Variants in TTYH1 observed in about 807,000 individuals in gnomAD.
TTYH1 encodes tweety family member 1.
A neutral mutation model predicts 61.2 loss-of-function variants in TTYH1; 33 were observed. That is an observed-to-expected ratio of 0.54 (90% confidence interval 0.41 to 0.72). The LOEUF is 0.72. TTYH1 is among the 30% of genes least tolerant of loss of function. TTYH1 has a pLI of 0.00. For synonymous variants in TTYH1, 308 were observed against 266.4 expected, an observed-to-expected ratio of 1.16 and a Z score of -1.52; for missense variants, 538 against 575.8, an observed-to-expected ratio of 0.93 and a Z score of 0.67.
chr19:54,416,337 G>C lies in TTYH1; in HGVS notation c.126+659G>C, dbSNP rs73606746. On this transcript the variant is annotated intron_variant, in intron 1 of 13. Coordinates refer to ENST00000376530, the MANE Select transcript of TTYH1 (RefSeq NM_020659.4). The surrounding 1 kb of genome is among the most constrained non-coding windows in gnomAD (Gnocchi z 7.0). ...GGGGAGCCTCGGGATGACAGACCCG[G>C]GTCCCGAGGGTGGGGCCGGTGTGGG... The C allele has an allele frequency of 0.03, 7,552 of 254,250 alleles. 582 individuals are homozygous for C. The highest frequency in any genetic ancestry group is 0.16 in the African/African-American group (6,864 of 43,610). 15.7% of individuals were successfully genotyped at this position (254,250 alleles called of 1,614,324 possible).
In TTYH1 at chr19:54,429,488, C is replaced by G. The variant is rs111698385; in HGVS notation, c.807+109C>G. ...TAGTAGAGAAAGGAATTGGGGGGCACGATCACAGCTCTGAGGTTTAGGGCT... is the reference window on the plus strand; with the variant it reads ...TAGTAGAGAAAGGAATTGGGGGGCAGGATCACAGCTCTGAGGTTTAGGGCT... On this transcript the variant is annotated intron_variant, in intron 6 of 13. Transcript: ENST00000376530. The surrounding 1 kb of genome is among the most constrained non-coding windows in gnomAD (Gnocchi z 5.1). The G allele has an allele frequency of 1.3e-5, 13 of 1,007,798 alleles. No individual in the cohort carries two copies. The African/African-American group carries it at 2.1e-4, about 16-fold the overall frequency. The allele number at this position is 1,007,798 out of a possible 1,614,324, so 62.4% of individuals were successfully genotyped here.
rs150255969 is a variant in TTYH1 at position 54,417,783 on chromosome 19, C to T, written c.127-1345C>T. ...GCACACACACACTCACATGCAGTCA[C>T]GCATCCACACACACACTCATCCACA... On this transcript the variant is annotated intron_variant, in intron 1 of 13. Transcript: ENST00000376530. Among the ~76,000 whole-genome samples the T allele has an allele frequency of 2.1e-3, 322 of 152,070 alleles. 1 individual carries two copies. Among genetic ancestry groups the T allele is most frequent in the Middle Eastern group, 6.8e-3 (2 of 294 alleles).
chr19:54,422,413 G>A lies in TTYH1; in HGVS notation c.638+3G>A, dbSNP rs143730400. Reference sequence around the variant, plus strand: ...GTGTCCTTTGTGGAGGAGTACAGGTGAGACGCTGCTCTTCTTGCTCTCTGT... The same window carrying A: ...GTGTCCTTTGTGGAGGAGTACAGGTAAGACGCTGCTCTTCTTGCTCTCTGT... On this transcript the variant is annotated splice_donor_region_variant and intron_variant, in intron 4 of 13. Coordinates refer to ENST00000376530, the MANE Select transcript of TTYH1 (RefSeq NM_020659.4). The A allele has an allele frequency of 1.8e-4, 271 of 1,528,356 alleles. 1 individual carries two copies. In the African/African-American group the frequency reaches 3.1e-3, roughly 18 times the overall value. The allele number at this position is 1,528,356 out of a possible 1,614,324, so 94.7% of individuals were successfully genotyped here.
At position 54,435,998 on chromosome 19, in the gene TTYH1, G is replaced by C. The variant is rs1424319786; in HGVS notation, c.1315-93G>C. The C allele has an allele frequency of 1.5e-5, 23 of 1,573,344 alleles. No homozygotes were observed. In the East Asian group the frequency reaches 4.5e-4, roughly 31 times the overall value. On this transcript the variant is annotated intron_variant, in intron 12 of 13. Coordinates refer to ENST00000376530, the MANE Select transcript of TTYH1 (RefSeq NM_020659.4). ...AGGAGGGGCTGGGGCCCGGACTCCTGGGTCTGAGGGAGGAGGGGCTGGGGT... is the reference window on the plus strand; with the variant it reads ...AGGAGGGGCTGGGGCCCGGACTCCTCGGTCTGAGGGAGGAGGGGCTGGGGT...
chr19:54,415,751 C>T lies in TTYH1; in HGVS notation c.126+73C>T, dbSNP rs2083063805. The T allele has an allele frequency of 2.2e-6, 3 of 1,372,376 alleles. No individual in the cohort carries two copies. The highest frequency in any genetic ancestry group is 2.2e-4 in the Middle Eastern group (1 of 4,534). The allele number at this position is 1,372,376 out of a possible 1,614,324, so 85.0% of individuals were successfully genotyped here. On this transcript the variant is annotated intron_variant, in intron 1 of 13. Transcript: ENST00000376530. This position sits in a 1 kb window ranked among gnomAD's most constrained non-coding sequence, Gnocchi z 5.2. ...TCCTGGGTCCCGAGGGAGAAGGGGGCTGGGTCACAGATTTCCTGAGCTCCG... is the reference window on the plus strand; with the variant it reads ...TCCTGGGTCCCGAGGGAGAAGGGGGTTGGGTCACAGATTTCCTGAGCTCCG...
chr19:54,433,905 G>A (rs2083489148), intron 10 of TTYH1, among the ~76,000 whole-genome samples: 1 of 152,058 alleles, frequency 6.6e-6, no homozygotes, highest in Non-Finnish European at 1.5e-5. Flanking sequence ...GAGGGTCAGT[G>A]TCTGCCTGGC....
Position 54,416,792 on chromosome 19 carries a change from C to G in TTYH1, c.126+1114C>G, listed in dbSNP as rs1260321700. The G allele has an allele frequency of 4.6e-6, 6 of 1,293,956 alleles. No homozygotes were observed. In the South Asian group the frequency reaches 7.4e-5, roughly 16 times the overall value. 80.2% of individuals were successfully genotyped at this position (1,293,956 alleles called of 1,614,324 possible). ...ACCGCCGTCCCCTCGCCCACAGCCT[C>G]GCGGTTACACAACGGCCACCTCCAA... On this transcript the variant is annotated intron_variant, in intron 1 of 13. Transcript: ENST00000376530. This position sits in a 1 kb window ranked among gnomAD's most constrained non-coding sequence, Gnocchi z 7.0.
At position 54,421,156 on chromosome 19, in the gene TTYH1, G is replaced by C; in HGVS notation, c.306-121G>C. 1.5e-6 allele frequency: 1 copy of C among 683,170 alleles called. No homozygotes were observed. The highest frequency in any genetic ancestry group is 2.1e-5 in the Admixed American group (1 of 47,520). 42.3% of individuals were successfully genotyped at this position (683,170 alleles called of 1,614,324 possible). ...CTTTTCCCACGGGCTGGCCCAATGA[G>C]GTGGGGCTGAGATGGGAGGGGTGGA... is the stretch of plus-strand genomic sequence containing the variant. On this transcript the variant is annotated intron_variant, in intron 2 of 13. Coordinates refer to ENST00000376530, the MANE Select transcript of TTYH1 (RefSeq NM_020659.4). The surrounding 1 kb of genome is among the most constrained non-coding windows in gnomAD (Gnocchi z 4.8).
In TTYH1 at chr19:54,421,469, C is replaced by G; in HGVS notation, c.417+81C>G. The G allele has an allele frequency of 1.1e-6, 1 of 950,216 alleles. No homozygotes were observed. The highest frequency in any genetic ancestry group is 1.7e-6 in the Non-Finnish European group (1 of 581,646). The allele number at this position is 950,216 out of a possible 1,614,324, so 58.9% of individuals were successfully genotyped here. ...ACCCAAGGACAAAGGGATCCAAACT[C>G]AGAGCTAAGACCCCAGGCTTGAAGC... On this transcript the variant is annotated intron_variant, in intron 3 of 13. Transcript: ENST00000376530. This position sits in a 1 kb window ranked among gnomAD's most constrained non-coding sequence, Gnocchi z 4.8.
At position 54,429,862 on chromosome 19, in the gene TTYH1, T is replaced by C. The variant is rs768215314; in HGVS notation, c.808-20T>C. On this transcript the variant is annotated intron_variant, in intron 6 of 13. Transcript: ENST00000376530. The surrounding 1 kb of genome is among the most constrained non-coding windows in gnomAD (Gnocchi z 5.1). ...CGGGGCAGTTTTGGGTTTGAGCCCC[T>C]TTTCTGCTGCCTCACGCAGGGCCTC... 6.2e-7 allele frequency: 1 copy of C among 1,612,508 alleles called. No homozygotes were observed. The highest frequency in any genetic ancestry group is 1.3e-5 in the African/African-American group (1 of 74,956).
chr19:54,421,415 C>T lies in TTYH1; in HGVS notation c.417+27C>T. On this transcript the variant is annotated intron_variant, in intron 3 of 13. Transcript: ENST00000376530. This position sits in a 1 kb window ranked among gnomAD's most constrained non-coding sequence, Gnocchi z 4.8. Reference sequence around the variant, plus strand: ...TGAGGGGCCAGCAACCAGTGGGACCCCAGACCCACACCTGGACGGGCTCCC... The same window carrying T: ...TGAGGGGCCAGCAACCAGTGGGACCTCAGACCCACACCTGGACGGGCTCCC... The T allele has an allele frequency of 6.8e-7, 1 of 1,477,374 alleles. No individual in the cohort carries two copies. Among genetic ancestry groups the T allele is most frequent in the Non-Finnish European group, 9.5e-7 (1 of 1,055,318 alleles). The allele number at this position is 1,477,374 out of a possible 1,614,324, so 91.5% of individuals were successfully genotyped here.
rs1188251628 is a variant in TTYH1, at chr19:54,416,954, C to A, written c.126+1276C>A. The stretch of plus-strand genomic sequence containing the variant: ...GGGTTTGGGGGAGCCTCACTCCGCC[C>A]CCACGGTCGGGGGTCAGGGTCAGGG... On this transcript the variant is annotated intron_variant, in intron 1 of 13. Coordinates refer to ENST00000376530, the MANE Select transcript of TTYH1 (RefSeq NM_020659.4). The surrounding 1 kb of genome is among the most constrained non-coding windows in gnomAD (Gnocchi z 7.0). 1 of 1,244,374 alleles carries A rather than the reference C, an allele frequency of 8.0e-7. No homozygotes were observed. The highest frequency in any genetic ancestry group is 1.0e-6 in the Non-Finnish European group (1 of 966,568). 77.1% of individuals were successfully genotyped at this position (1,244,374 alleles called of 1,614,324 possible).
Position 54,422,225 on chromosome 19 carries a change from G to A in TTYH1, c.453G>A (p.Val151=). 1.3e-6 allele frequency: 2 copies of A among 1,566,512 alleles called. No individual in the cohort carries two copies. Among genetic ancestry groups the A allele is most frequent in the Non-Finnish European group, 1.7e-6 (2 of 1,156,308 alleles). ...CGGTGGAGAGGCTGGGCGAGGCGGT[G>A]AGGACAGAGCTGACCACCCTGGAGG... ...LETVERLGEA[V]RTELTTLEEV... The change falls in exon 4 of 14, where the codon GTG becomes GTA. Residue 151 remains valine (V), a synonymous_variant. Coordinates refer to ENST00000376530, the MANE Select transcript of TTYH1 (RefSeq NM_020659.4).
rs375497554 is a variant in TTYH1 at position 54,436,131 on chromosome 19, C to A, written c.*2C>A. The A allele has an allele frequency of 6.2e-7, 1 of 1,614,154 alleles. No individual in the cohort carries two copies. On this transcript the variant is annotated 3_prime_UTR_variant, in exon 13 of 14. Transcript: ENST00000376530. This position sits in a 1 kb window ranked among gnomAD's most constrained non-coding sequence, Gnocchi z 4.3. ...GTGCAGTGGCAGTCGTCTATCTGAG[C>A]CCCTCCTCCCGGCTGGACTGGAGCC...
intron 7 of TTYH1, 59 bp from the exon 8 acceptor site, chr19:54,430,491 C>T: frequency 3.8e-6 from 6 of 1,584,808 alleles, no homozygotes; most frequent in South Asian, 2.2e-5. Flanking sequence ...GGCCTTCCCC[C>T]GGGAGATCCC....
At chr19:54,424,961 G>T (rs576954050) in intron 4 of TTYH1, among the ~76,000 whole-genome samples, 2 of 152,166 alleles carry the variant, frequency 1.3e-5, no homozygotes, top group Non-Finnish European at 2.9e-5. Flanking sequence ...CAAGCCTCGT[G>T]TTCTCTGACC....
chr19:54,418,413 C>T (rs2083134222), intron 1 of TTYH1: 1 of 152,666 alleles, frequency 6.6e-6, no homozygotes, highest in Non-Finnish European at 1.5e-5. Context: ...CTGCCTTTTT[C>T]TGACTCATGC....
In TTYH1 at chr19:54,415,686, C is replaced by T; in HGVS notation, c.126+8C>T. 6.5e-7 allele frequency: 1 copy of T among 1,544,496 alleles called. No individual in the cohort carries two copies. The highest frequency in any genetic ancestry group is 8.7e-7 in the Non-Finnish European group (1 of 1,152,622). ...GAGCAGGAATACCAGCAGGTGGGAC[C>T]GGGCGCCAGGGCCTGGGGGCCAGGG... On this transcript the variant is annotated splice_region_variant and intron_variant, in intron 1 of 13. Coordinates refer to ENST00000376530, the MANE Select transcript of TTYH1 (RefSeq NM_020659.4). This position sits in a 1 kb window ranked among gnomAD's most constrained non-coding sequence, Gnocchi z 5.2.
chr19:54,429,972 C>T lies in TTYH1; in HGVS notation c.883+15C>T. The stretch of plus-strand genomic sequence containing the variant: ...GCTCAGCTCAGGTGATTTCCAAGGG[C>T]CCGGTGGGTCCGCCGGGTTGGGCAG... On this transcript the variant is annotated intron_variant, in intron 7 of 13. Transcript: ENST00000376530. The surrounding 1 kb of genome is among the most constrained non-coding windows in gnomAD (Gnocchi z 5.1). The T allele has an allele frequency of 6.2e-7, 1 of 1,611,692 alleles. No individual in the cohort carries two copies.
Sources: allele counts gnomAD v4.1 joint callset (sites outside exome capture counted in the v4.1 genomes callset), GRCh38; gene constraint gnomAD v4.1.1; non-coding constraint Gnocchi (gnomAD v3.1); transcripts MANE v1.5; gene names NCBI Gene and HGNC (gene_info 2026-07-23, HGNC 2026-07-21).